Variants in RORB observed in about 807,000 individuals in gnomAD.
The protein encoded by RORB is RAR related orphan receptor B.
A neutral mutation model predicts 59.1 loss-of-function variants in RORB; 6 were observed. The observed-to-expected ratio is 0.10, with a 90% CI of 0.06 to 0.20. The LOEUF (loss-of-function observed/expected upper bound fraction) is 0.20. Among genes scored for constraint, RORB ranks in the 10% least tolerant of loss-of-function variants. The pLI is 1.00. For missense variants in RORB, 320 were observed against 560.5 expected (o/e 0.57, Z 4.33); for synonymous variants, 215 against 204.5 (o/e 1.05, Z -0.44).
At chr9:74,646,259 C>T (rs993111803) in intron 4 of RORB, among the ~76,000 whole-genome samples, 1 of 152,088 alleles carries the variant, frequency 6.6e-6, no homozygotes, top group Non-Finnish European at 1.5e-5. Context: ...ATCTTAAAAG[C>T]AGATCGCTTT....
intron 9 of RORB, among the ~76,000 whole-genome samples, chr9:74,679,568 C>A (rs1490279906): frequency 6.6e-6 from 1 of 152,126 alleles, no homozygotes. Flanking sequence ...CTTGAACCTG[C>A]ATTTATTATG....
Position 74,497,951 on chromosome 9 carries a change from A to T in RORB, c.-26A>T. ...TCGGGCTGGGAGCAGCTTCATGACTACGCGGAGCGGGAGAGCGGCCACACC... is the reference window on the plus strand; with the variant it reads ...TCGGGCTGGGAGCAGCTTCATGACTTCGCGGAGCGGGAGAGCGGCCACACC... On this transcript the variant is annotated 5_prime_UTR_variant, in exon 1 of 10. Coordinates refer to ENST00000376896, the MANE Select transcript of RORB (RefSeq NM_006914.4). The T allele has an allele frequency of 6.2e-7, 1 of 1,611,584 alleles. No homozygotes were observed. Among genetic ancestry groups the T allele is most frequent in the East Asian group, 2.2e-5 (1 of 44,782 alleles).
chr9:74,528,603 G>A (rs1826190469), intron 1 of RORB, among the ~76,000 whole-genome samples: 1 of 151,862 alleles, frequency 6.6e-6, no homozygotes, highest in Admixed American at 6.6e-5. Flanking sequence ...AGCCTAATTG[G>A]GTTTTCAATA....
At chr9:74,535,001 A>G (rs561804562) in intron 1 of RORB, among the ~76,000 whole-genome samples, 1 of 152,102 alleles carries the variant, frequency 6.6e-6, no homozygotes, top group African/African-American at 2.4e-5. Context: ...TCACCTCTCC[A>G]TATAGATCAG....
intron 1 of RORB, among the ~76,000 whole-genome samples, chr9:74,556,506 G>A (rs1478037136): frequency 1.3e-5 from 2 of 152,116 alleles, no homozygotes; most frequent in Non-Finnish European, 2.9e-5. Context: ...TGAGGATTTG[G>A]GGACCATCCA....
intron 1 of RORB, among the ~76,000 whole-genome samples, chr9:74,619,177 C>T (rs568403366): frequency 2.6e-5 from 4 of 152,104 alleles, no homozygotes; most frequent in Non-Finnish European, 5.9e-5. Flanking sequence ...CTTCAACCAC[C>T]AACTTTAAGA....
intron 1 of RORB, among the ~76,000 whole-genome samples, chr9:74,614,779 A>G (rs560585839): frequency 6.6e-6 from 1 of 152,292 alleles, no homozygotes; most frequent in African/African-American, 2.4e-5. Context: ...CTTTCATATA[A>G]AGAACATATT....
intron 1 of RORB, among the ~76,000 whole-genome samples, chr9:74,590,875 C>A (rs1822878055): frequency 6.6e-6 from 1 of 152,194 alleles, no homozygotes; most frequent in Admixed American, 6.5e-5. Flanking sequence ...TGGCTCACTG[C>A]AACCTCTGCC....
At chr9:74,561,301 A>C (rs375106990) in intron 1 of RORB, among the ~76,000 whole-genome samples, 241 of 152,288 alleles carry the variant, frequency 1.6e-3, no homozygotes, top group Non-Finnish European at 2.7e-3. Flanking sequence ...GAGGAGTGAA[A>C]TATCAGGAGA....
chr9:74,680,312 C>T (rs980256559), intron 9 of RORB, among the ~76,000 whole-genome samples: 1 of 152,086 alleles, frequency 6.6e-6, no homozygotes, highest in African/African-American at 2.4e-5. Flanking sequence ...CACTTATGTC[C>T]CTGTAGGTAT....
intron 1 of RORB, among the ~76,000 whole-genome samples, chr9:74,513,000 T>C (rs1395904089): frequency 6.6e-6 from 1 of 152,174 alleles, no homozygotes; most frequent in Non-Finnish European, 1.5e-5. Flanking sequence ...GCAAGTCAGG[T>C]AGTTTCCTTT....
intron 1 of RORB, among the ~76,000 whole-genome samples, chr9:74,602,690 A>G (rs1018843704): frequency 1.3e-5 from 2 of 152,184 alleles, no homozygotes; most frequent in African/African-American, 4.8e-5. Context: ...AAGAAATCCC[A>G]CACTTAGTTG....
chr9:74,642,537 G>A lies in RORB; in HGVS notation c.359G>A (p.Arg120Lys). ...AGTGGGGAGGCAGAAGCCCTTGCCA[G>A]GGTGTACAGCAGCAGCATTAGCAAC... ...QQSGEAEALARVYSSSISNGL... is the reference protein window; with the variant it reads ...QQSGEAEALAKVYSSSISNGL... Residue 120 changes from arginine to lysine, a missense_variant, in exon 4 of 10, where the codon AGG (arginine) becomes AAG (lysine). This residue lies in a region of RORB where 134 missense variants were observed against 156.2 expected (regional missense o/e 0.86). Coordinates refer to ENST00000376896, the MANE Select transcript of RORB (RefSeq NM_006914.4). 1.2e-6 allele frequency: 2 copies of A among 1,614,236 alleles called. No homozygotes were observed. The highest frequency in any genetic ancestry group is 2.2e-5 in the South Asian group (2 of 91,084).
intron 1 of RORB, among the ~76,000 whole-genome samples, chr9:74,595,232 C>T (rs1404553373): frequency 3.9e-5 from 6 of 152,134 alleles, no homozygotes; most frequent in Non-Finnish European, 8.8e-5. Flanking sequence ...GGTTAGTACA[C>T]ATTAGGACAG....
intron 1 of RORB, among the ~76,000 whole-genome samples, chr9:74,625,012 G>A (rs111983774): frequency 3.5e-4 from 53 of 152,062 alleles, no homozygotes; most frequent in African/African-American, 1.2e-3. Context: ...AATCATAGCC[G>A]GGTCAGATGT....
chr9:74,552,711 A>T (rs1431533478), intron 1 of RORB, among the ~76,000 whole-genome samples: 1 of 152,144 alleles, frequency 6.6e-6, no homozygotes, highest in African/African-American at 2.4e-5. Context: ...TTGAGCACAT[A>T]TCATGCACGG....
At chr9:74,538,637 CATTT>C (rs958093360) in intron 1 of RORB, among the ~76,000 whole-genome samples, 2 of 150,018 alleles carry the variant, frequency 1.3e-5, no homozygotes, top group Non-Finnish European at 3.0e-5. Context: ...CTTTGGGAAA[CATTT>C]ATTTATATAT....
chr9:74,541,537 C>T (rs961210406), intron 1 of RORB, among the ~76,000 whole-genome samples: 1 of 152,104 alleles, frequency 6.6e-6, no homozygotes, highest in South Asian at 2.1e-4. Context: ...CTTAAACTGA[C>T]TCTATTTAAC....
chr9:74,676,633 T>G (rs1220030704), intron 9 of RORB, among the ~76,000 whole-genome samples: 1 of 152,244 alleles, frequency 6.6e-6, no homozygotes, highest in African/African-American at 2.4e-5. Flanking sequence ...CATAGCTCTA[T>G]GCTGATAAAT....
Sources: gnomAD v4.1 joint callset for allele counts (sites outside exome capture counted in the v4.1 genomes callset) on GRCh38, gnomAD v4.1.1 for gene constraint, gnomAD v4.1.1 regional missense constraint, MANE v1.5 for transcripts, NCBI Gene and HGNC (gene_info 2026-07-23, HGNC 2026-07-21) for gene names.